UBE2W: variants seen among roughly 807,000 people sequenced by gnomAD.
UBE2W encodes ubiquitin conjugating enzyme E2 W.
In UBE2W, 18 loss-of-function variants were observed where a neutral mutation model predicts 27.2. That is an observed-to-expected ratio of 0.66 (90% confidence interval 0.46 to 0.98). The LOEUF is 0.98. Among genes scored for constraint, UBE2W ranks in the 50% least tolerant of loss-of-function variants. The pLI, the probability that UBE2W is intolerant of heterozygous loss-of-function variation, is 0.00. For synonymous variants in UBE2W, 53 were observed against 57.2 expected, an observed-to-expected ratio of 0.93 and a Z score of 0.33; for missense variants, 90 against 180.2, an observed-to-expected ratio of 0.50 and a Z score of 2.87.
chr8:73,849,415 G>A (rs932176968), intron 1 of UBE2W, among the ~76,000 whole-genome samples: 32 of 142,204 alleles, frequency 2.3e-4, no homozygotes, highest in Admixed American at 2.0e-3. Flanking sequence ...TGGAGGCTGA[G>A]ACAGGATAAT....
chr8:73,791,226 C>T lies in UBE2W; in HGVS notation c.*2876G>A. ...ATTCTCTTAAAAACTGAAAACAATC[C>T]TTCTCTCTAAACCTATGGCATTAAT... On this transcript the variant is annotated 3_prime_UTR_variant, in exon 6 of 6. Transcript: ENST00000602593. 3.1e-6 allele frequency: 3 copies of T among 982,134 alleles called. No individual in the cohort carries two copies. Among genetic ancestry groups the T allele is most frequent in the Non-Finnish European group, 3.6e-6 (3 of 829,142 alleles). 60.8% of individuals were successfully genotyped at this position (982,134 alleles called of 1,614,324 possible).
intron 1 of UBE2W, among the ~76,000 whole-genome samples, chr8:73,860,767 AAAAC>A (rs899885187): frequency 9.2e-5 from 14 of 152,168 alleles, no homozygotes; most frequent in African/African-American, 1.2e-4. Context: ...GTAAGTTTTA[AAAAC>A]AAACAAACAA....
Position 73,810,406 on chromosome 8 carries a change from T to C in UBE2W, c.366+68A>G, listed in dbSNP as rs1172233157. The C allele has an allele frequency of 2.0e-5, 28 of 1,369,692 alleles. No homozygotes were observed. In the Admixed American group the frequency reaches 4.5e-4, roughly 22 times the overall value. 84.8% of individuals were successfully genotyped at this position (1,369,692 alleles called of 1,614,324 possible). A position where few individuals can be genotyped will look rare whatever the true frequency, so the allele number is the denominator to read the frequency against. ...CTTCCTCCAAATAAAAATAATTACATATTAAAATTATTTATCTACCTAACT... is the reference window on the plus strand; with the variant it reads ...CTTCCTCCAAATAAAAATAATTACACATTAAAATTATTTATCTACCTAACT... On this transcript the variant is annotated intron_variant, in intron 4 of 5. Transcript: ENST00000602593.
chr8:73,874,200 G>A (rs550129582), intron 1 of UBE2W, among the ~76,000 whole-genome samples: 16 of 152,326 alleles, frequency 1.1e-4, no homozygotes, highest in African/African-American at 3.6e-4. Context: ...GGGAGGCCGA[G>A]GCGGGCGGAT....
At chr8:73,874,521 C>T (rs1045900051) in intron 1 of UBE2W, among the ~76,000 whole-genome samples, 1 of 152,162 alleles carries the variant, frequency 6.6e-6, no homozygotes, top group Non-Finnish European at 1.5e-5. Context: ...AAGAATACCT[C>T]AATACTGCTA....
chr8:73,870,211 A>AT, intron 1 of UBE2W: 1 of 1,539,104 alleles, frequency 6.5e-7, no homozygotes. Flanking sequence ...ATAGCTCACA[A>AT]TTTTATTTGA....
intron 1 of UBE2W, among the ~76,000 whole-genome samples, chr8:73,878,412 C>A (rs954040022): frequency 1.3e-5 from 2 of 152,212 alleles, no homozygotes; most frequent in African/African-American, 4.8e-5. Context: ...CGGCAACAAC[C>A]GCGGGCGCAG....
intron 3 of UBE2W, among the ~76,000 whole-genome samples, chr8:73,813,109 A>AAAAAAAAAG (rs1554580723): frequency 7.0e-6 from 1 of 143,058 alleles, no homozygotes; most frequent in African/African-American, 2.6e-5. Context: ...AAAAAAAAAA[A>AAAAAAAAAG]GAACAACTGC....
chr8:73,874,696 AC>A (rs1812145401), intron 1 of UBE2W, among the ~76,000 whole-genome samples: 1 of 152,374 alleles, frequency 6.6e-6, no homozygotes, highest in Non-Finnish European at 1.5e-5. Context: ...TTTTAGAATT[AC>A]CAAAATTAAA....
chr8:73,796,051 A>G (rs1161985930), intron 5 of UBE2W: 2 of 126,286 alleles, frequency 1.6e-5, no homozygotes, highest in Non-Finnish European at 3.3e-5. Context: ...TCCCTAGCCA[A>G]CACCATCTCC....
intron 1 of UBE2W, among the ~76,000 whole-genome samples, chr8:73,838,959 G>C (rs1298090697): frequency 6.6e-6 from 1 of 152,094 alleles, no homozygotes; most frequent in African/African-American, 2.4e-5. Flanking sequence ...AACCTCTAGG[G>C]GGTATTTGGA....
At chr8:73,852,175 G>C (rs1277876) in intron 1 of UBE2W, among the ~76,000 whole-genome samples, 148,149 of 152,170 alleles carry the variant, frequency 0.97, 72,120 homozygotes, top group East Asian at 0.99. Flanking sequence ...TGTGAACATT[G>C]AGATTGACAG....
At chr8:73,821,938 A>G (rs1418746947) in intron 3 of UBE2W, among the ~76,000 whole-genome samples, 1 of 152,204 alleles carries the variant, frequency 6.6e-6, no homozygotes, top group Non-Finnish European at 1.5e-5. Flanking sequence ...CAAGGCCTGT[A>G]AAGTGTGCCA....
chr8:73,782,589 T>C (rs1263263081), downstream of UBE2W, among the ~76,000 whole-genome samples: 1 of 152,192 alleles, frequency 6.6e-6, no homozygotes. Flanking sequence ...CATGTATCAA[T>C]AGTTTGTTCC....
At chr8:73,876,945 C>A (rs547475532) in intron 1 of UBE2W, among the ~76,000 whole-genome samples, 29 of 152,134 alleles carry the variant, frequency 1.9e-4, no homozygotes, top group Admixed American at 3.9e-4. Context: ...CCAGCCTGGG[C>A]AACAAGAGCG....
At position 73,875,913 on chromosome 8, in the gene UBE2W, C is replaced by T. The variant is rs1018118401; in HGVS notation, c.15+2895G>A. Among the ~76,000 whole-genome samples, 8 of 152,000 alleles carry T rather than the reference C, an allele frequency of 5.3e-5. 1 individual carries two copies. Among genetic ancestry groups the T allele is most frequent in the Admixed American group, 1.3e-4 (2 of 15,270 alleles). ...AAAAACACAAAAAAAATTACCTGGG[C>T]GTGGTGGCCAGCGCCTGTAATCCCA... On this transcript the variant is annotated intron_variant, in intron 1 of 5. Transcript: ENST00000602593.
In UBE2W at chr8:73,865,180, C is replaced by CAAAAAAAAAAAAAAAAAA. The variant is rs11354153; in HGVS notation, c.15+13610_15+13627dup. 3.7e-4 allele frequency among the ~76,000 whole-genome samples: 12 copies of CAAAAAAAAAAAAAAAAAA among 32,856 alleles called. 3 individuals carry two copies. The highest frequency in any genetic ancestry group is 9.2e-4 in the African/African-American group (11 of 11,940). 21.6% of individuals were successfully genotyped at this position (32,856 alleles called of 152,430 possible). A position where few individuals can be genotyped will look rare whatever the true frequency, so the allele number is the denominator to read the frequency against. On this transcript the variant is annotated intron_variant, in intron 1 of 5. Coordinates refer to ENST00000602593, the MANE Select transcript of UBE2W (RefSeq NM_018299.6). ...CACTGCTCTTTAAGTGTGCAAACGT[C>CAAAAAAAAAAAAAAAAAA]AAAAAAAAAAAAAAAAAAAAAAAAA...
downstream of UBE2W, among the ~76,000 whole-genome samples, chr8:73,781,631 T>A (rs895273597): frequency 1.3e-5 from 2 of 151,292 alleles, no homozygotes; most frequent in Non-Finnish European, 2.9e-5. Context: ...TTTTTTTTTT[T>A]TTTTTTATTT....
intron 4 of UBE2W, among the ~76,000 whole-genome samples, chr8:73,806,415 A>G (rs1473168774): frequency 6.6e-6 from 1 of 150,746 alleles, no homozygotes. Context: ...TAATAAAACA[A>G]AGGGCCAGGC....
Sources: gnomAD v4.1 joint callset for allele counts (sites outside exome capture counted in the v4.1 genomes callset) on GRCh38, gnomAD v4.1.1 for gene constraint, MANE v1.5 for transcripts, NCBI Gene and HGNC (gene_info 2026-07-23, HGNC 2026-07-21) for gene names.